The following ETV6 variants were observed in gnomAD, a reference collection of about 807,000 sequenced individuals.
The protein encoded by ETV6 is ETS variant transcription factor 6, also known as transcription factor ETV6.
A neutral mutation model predicts 51.1 loss-of-function variants in ETV6; 16 were observed. That is an observed-to-expected ratio of 0.31 (90% CI 0.21 to 0.48). ETV6 has a LOEUF of 0.48. ETV6 is among the 20% of genes least tolerant of loss of function. The pLI is 0.99. For synonymous variants in ETV6, 240 were observed against 224.1 expected, an observed-to-expected ratio of 1.07 and a Z score of -0.64; for missense variants, 458 against 594.8, an observed-to-expected ratio of 0.77 and a Z score of 2.39.
Position 11,874,570 on chromosome 12 carries a change from G to GTA in ETV6, c.1009+4602_1009+4603dup, listed in dbSNP as rs201291056. ...CACACATATATGTGTATGTGCGTGTGTACACATATATGTGTGTATACACAT... is the reference window on the plus strand; with the variant it reads ...CACACATATATGTGTATGTGCGTGTGTATACACATATATGTGTGTATACACAT... On this transcript the variant is annotated intron_variant, in intron 5 of 7. Coordinates refer to ENST00000396373, the MANE Select transcript of ETV6 (RefSeq NM_001987.5). 3.1e-3 allele frequency among the ~76,000 whole-genome samples: 2 copies of GTA among 636 alleles called. 1 individual carries two copies. Among genetic ancestry groups the GTA allele is most frequent in the Non-Finnish European group, 0.25 (2 of 8 alleles). The allele number at this position is 636 out of a possible 152,430, so 0.4% of individuals were successfully genotyped here. A position where few individuals can be genotyped will look rare whatever the true frequency, so the allele number is the denominator to read the frequency against.
chr12:11,756,808 G>A (rs925783257), intron 2 of ETV6, among the ~76,000 whole-genome samples: 1 of 152,192 alleles, frequency 6.6e-6, no homozygotes, highest in Admixed American at 6.5e-5. Flanking sequence ...ATGAAACACT[G>A]GGCCTCAGAC....
chr12:11,862,338 C>T (rs1329371209), intron 4 of ETV6, among the ~76,000 whole-genome samples: 1 of 152,168 alleles, frequency 6.6e-6, no homozygotes, highest in Non-Finnish European at 1.5e-5. Context: ...TGGAAAGACT[C>T]CAAACCAAGC....
Position 11,869,942 on chromosome 12 carries a change from C to G in ETV6, c.982C>G (p.His328Asp). 1 of 1,607,930 alleles carries G rather than the reference C, an allele frequency of 6.2e-7. No individual in the cohort carries two copies. The highest frequency in any genetic ancestry group is 1.1e-5 in the South Asian group (1 of 90,924). The change falls in exon 5 of 8, where the codon CAC becomes GAC. Residue 328 changes from histidine to aspartate, a missense_variant. Coordinates refer to ENST00000396373, the MANE Select transcript of ETV6 (RefSeq NM_001987.5). The surrounding 1 kb of genome is among the most constrained non-coding windows in gnomAD (Gnocchi z 5.0). ...GGTCTCTGTCTCCCCGCCTGAAGAG[C>G]ACGCCATGCCCATTGGGAGAATAGC... ...IMVSVSPPEE[H>D]AMPIGRIADC... is the part of the protein sequence containing the mutation.
rs1947291157 is a variant in ETV6, at chr12:11,891,761, G to C, written c.*715G>C. 2.6e-6 allele frequency: 1 copy of C among 387,508 alleles called. No homozygotes were observed. The highest frequency in any genetic ancestry group is 3.6e-5 in the Admixed American group (1 of 27,412). The allele number at this position is 387,508 out of a possible 1,614,324, so 24.0% of individuals were successfully genotyped here. On this transcript the variant is annotated 3_prime_UTR_variant, in exon 8 of 8. Transcript: ENST00000396373. ...GTTCAGCCTCTTGGAGAGTCTTGGG[G>C]ATTGTTGGCACCTAAACAGAATCAG...
intron 1 of ETV6, among the ~76,000 whole-genome samples, chr12:11,741,399 C>A (rs375121739): frequency 6.6e-6 from 1 of 152,178 alleles, no homozygotes; most frequent in African/African-American, 2.4e-5. Context: ...CTTTTGGATG[C>A]GAGAGAGGGA....
At chr12:11,836,118 T>A (rs945918991) in intron 2 of ETV6, among the ~76,000 whole-genome samples, 1 of 152,234 alleles carries the variant, frequency 6.6e-6, no homozygotes, top group African/African-American at 2.4e-5. Flanking sequence ...CAAGGCTCTA[T>A]CCCATTTAGA....
intron 2 of ETV6, among the ~76,000 whole-genome samples, chr12:11,766,747 A>G (rs942186828): frequency 6.6e-6 from 1 of 150,854 alleles, no homozygotes; most frequent in African/African-American, 2.4e-5. Context: ...ATGATTGAAG[A>G]CGTCTTCAGC....
intron 1 of ETV6, among the ~76,000 whole-genome samples, chr12:11,688,626 T>TC (rs1387788557): frequency 1.3e-5 from 2 of 152,126 alleles, no homozygotes; most frequent in African/African-American, 4.8e-5. Flanking sequence ...TAGGTGTCCT[T>TC]CCCCCTCAGG....
At chr12:11,746,933 C>T (rs1865920611) in intron 1 of ETV6, among the ~76,000 whole-genome samples, 2 of 151,982 alleles carry the variant, frequency 1.3e-5, no homozygotes, top group East Asian at 3.9e-4. Context: ...ATGTAACCAT[C>T]CAGAAAGGCA....
intron 7 of ETV6, among the ~76,000 whole-genome samples, chr12:11,890,001 C>G (rs1388670206): frequency 6.6e-6 from 1 of 152,136 alleles, no homozygotes; most frequent in East Asian, 1.9e-4. Context: ...ACTGATGTCA[C>G]TTCCAGTTTA....
At chr12:11,701,715 G>A (rs1864985895) in intron 1 of ETV6, among the ~76,000 whole-genome samples, 1 of 152,188 alleles carries the variant, frequency 6.6e-6, no homozygotes, top group Non-Finnish European at 1.5e-5. Flanking sequence ...ACACGGTCTT[G>A]TAGAAGAGAA....
chr12:11,685,139 C>G (rs1864603385), intron 1 of ETV6, among the ~76,000 whole-genome samples: 1 of 152,218 alleles, frequency 6.6e-6, no homozygotes, highest in Non-Finnish European at 1.5e-5. Context: ...TGTCATCTAG[C>G]TAGGCACCTT....
chr12:11,873,060 T>G (rs1257730151), intron 5 of ETV6, among the ~76,000 whole-genome samples: 1 of 152,220 alleles, frequency 6.6e-6, no homozygotes, highest in Non-Finnish European at 1.5e-5. Flanking sequence ...TATAACACAA[T>G]GTCCTAAAAC....
intron 1 of ETV6, among the ~76,000 whole-genome samples, chr12:11,669,774 C>T (rs575563792): frequency 1.3e-5 from 2 of 152,174 alleles, no homozygotes; most frequent in East Asian, 3.9e-4. Flanking sequence ...AATCTTGGTC[C>T]TGCCTCATTT....
intron 2 of ETV6, among the ~76,000 whole-genome samples, chr12:11,799,763 G>GTGTTTTA (rs1348315511): frequency 6.6e-6 from 1 of 152,104 alleles, no homozygotes; most frequent in Non-Finnish European, 1.5e-5. Context: ...GTGCGTGTGT[G>GTGTTTTA]TGTTTTATTT....
intron 2 of ETV6, among the ~76,000 whole-genome samples, chr12:11,796,694 C>G (rs990057828): frequency 1.3e-5 from 2 of 152,044 alleles, no homozygotes; most frequent in African/African-American, 4.8e-5. Context: ...TGACAGGTTT[C>G]TTCTCTATAA....
chr12:11,726,125 A>C (rs942407517), intron 1 of ETV6, among the ~76,000 whole-genome samples: 2 of 152,204 alleles, frequency 1.3e-5, no homozygotes, highest in Non-Finnish European at 2.9e-5. Flanking sequence ...GTACATACTA[A>C]AGAAATGTTT....
chr12:11,679,843 A>G (rs1864493428), intron 1 of ETV6, among the ~76,000 whole-genome samples: 1 of 152,178 alleles, frequency 6.6e-6, no homozygotes, highest in South Asian at 2.1e-4. Flanking sequence ...CCATTTCTGT[A>G]GGCATCCATC....
chr12:11,888,196 A>G (rs1369157197), intron 7 of ETV6, among the ~76,000 whole-genome samples: 1 of 152,138 alleles, frequency 6.6e-6, no homozygotes, highest in Non-Finnish European at 1.5e-5. Context: ...CAACACTAAT[A>G]CAGTTCCCTA....
Sources: allele counts gnomAD v4.1 joint callset (sites outside exome capture counted in the v4.1 genomes callset), GRCh38; gene constraint gnomAD v4.1.1; non-coding constraint Gnocchi (gnomAD v3.1); transcripts MANE v1.5; gene names NCBI Gene and HGNC (gene_info 2026-07-23, HGNC 2026-07-21).